ILDR1: variants seen among roughly 807,000 people sequenced by gnomAD.
The protein encoded by ILDR1 is immunoglobulin like domain containing receptor 1, also known as immunoglobulin-like domain-containing receptor 1.
ILDR1 carries 56 observed loss-of-function variants against 62.4 expected under a neutral mutation model. That is an observed-to-expected ratio of 0.90 (90% CI 0.72 to 1.12). The LOEUF (loss-of-function observed/expected upper bound fraction) is 1.12, where lower values mean the gene tolerates loss of function less well. Among genes scored for constraint, ILDR1 ranks in the 50% most tolerant of loss-of-function variants. The probability of loss-of-function intolerance (pLI) is 0.00; values close to 1 mark genes in which losing one functional copy is unlikely to be tolerated. For synonymous variants in ILDR1, 284 were observed against 277.8 expected (o/e 1.02, Z -0.22); for missense variants, 736 against 710.6 (o/e 1.04, Z -0.41).
chr3:122,023,877 C>T (rs1454786561), upstream of ILDR1, among the ~76,000 whole-genome samples: 1 of 152,074 alleles, frequency 6.6e-6, no homozygotes, highest in Non-Finnish European at 1.5e-5. Flanking sequence ...AGACCCTGTA[C>T]ATGCTCCCAG....
At chr3:121,994,018 A>G in intron 6 of ILDR1, 48 bp from the exon 7 acceptor site, 1 of 1,569,186 alleles carries the variant, frequency 6.4e-7, no homozygotes, top group Non-Finnish European at 8.7e-7. Context: ...CCCAAAACAT[A>G]CACCTCAGAA....
chr3:121,994,101 G>A (rs145769367), intron 6 of ILDR1, 81 bp downstream of exon 6: 131 of 1,513,462 alleles, frequency 8.7e-5, no homozygotes, highest in Admixed American at 1.8e-4. Flanking sequence ...CTGCCGCATC[G>A]GTCACAGAGG....
In ILDR1 at chr3:121,993,714, G is replaced by A. The variant is rs1364193353; in HGVS notation, c.1035C>T (p.Thr345=). The change falls in exon 7 of 8, where the codon ACC becomes ACT. Residue 345 remains threonine (T), a synonymous_variant. Transcript: ENST00000344209. The stretch of plus-strand genomic sequence containing the variant: ...GCCACTGCTGGTGCAGGGAGTCACT[G>A]GTCCTCCTTGAGGATGACAGGTCTC... The part of the protein sequence containing the change: ...LIRDLSSSRR[T]SDSLHQQWLT... 1 of 1,614,114 alleles carries A rather than the reference G, an allele frequency of 6.2e-7. No homozygotes were observed. Among genetic ancestry groups the A allele is most frequent in the Admixed American group, 1.7e-5 (1 of 60,028 alleles).
chr3:121,994,262 A>T lies in ILDR1; in HGVS notation c.698T>A (p.Met233Lys). The change falls in exon 6 of 8, where the codon ATG (methionine) becomes AAG (lysine). Residue 233 changes from methionine (M) to lysine (K), a missense_variant. Met to Lys is a moderately conservative substitution (Grantham distance 95). Transcript: ENST00000344209. Reference sequence around the variant, plus strand: ...CCCCCAGTACAGGGGTTTTCCCATCATCTGAGGACCTAGGGCCTGGGCCTG... The same window carrying T: ...CCCCCAGTACAGGGGTTTTCCCATCTTCTGAGGACCTAGGGCCTGGGCCTG... ...MKQAQALGPQ[M>K]MGKPLYWGAD... 1 of 1,536,030 alleles carries T rather than the reference A, an allele frequency of 6.5e-7. No individual in the cohort carries two copies. Among genetic ancestry groups the T allele is most frequent in the Non-Finnish European group, 8.7e-7 (1 of 1,146,858 alleles).
chr3:122,003,849 A>G (rs2107659154), intron 3 of ILDR1, among the ~76,000 whole-genome samples: 1 of 152,318 alleles, frequency 6.6e-6, no homozygotes, highest in East Asian at 1.9e-4. Context: ...GAAACTGTTC[A>G]GGTAATTTGC....
At chr3:122,038,496 G>A in the ILDR1 span, among the ~76,000 whole-genome samples, 37 of 152,150 alleles carry the variant, frequency 2.4e-4, no homozygotes, top group South Asian at 7.3e-3. Context: ...ACTACTAAAG[G>A]CCTTGCAGAA....
At position 122,022,105 on chromosome 3, in the gene ILDR1, T is replaced by C; in HGVS notation, c.-28A>G. ...CGCCCCCTTTCTGGCCCTTTTCAGC[T>C]CAGGGGCTTCGGGGCACTGCGTCTT... On this transcript the variant is annotated 5_prime_UTR_variant, in exon 1 of 8. Transcript: ENST00000344209. 7 of 1,580,596 alleles carry C rather than the reference T, an allele frequency of 4.4e-6. No individual in the cohort carries two copies. The highest frequency in any genetic ancestry group is 6.0e-6 in the Non-Finnish European group (7 of 1,161,036).
the ILDR1 span, among the ~76,000 whole-genome samples, chr3:122,029,227 C>G: frequency 6.6e-6 from 1 of 151,924 alleles, no homozygotes; most frequent in Admixed American, 6.6e-5. Context: ...TACAGGGGGG[C>G]CGGGTGTGGT....
upstream of ILDR1, among the ~76,000 whole-genome samples, chr3:122,024,214 A>G (rs2071902814): frequency 6.6e-6 from 1 of 152,214 alleles, no homozygotes; most frequent in Non-Finnish European, 1.5e-5. Context: ...TTCAGGACAT[A>G]TTAAACCTTA....
chr3:122,051,725 C>A, the ILDR1 span, among the ~76,000 whole-genome samples: 4 of 152,074 alleles, frequency 2.6e-5, no homozygotes, highest in Non-Finnish European at 4.4e-5. Context: ...AACACACAAA[C>A]AAACAACAAC....
chr3:122,018,627 C>T (rs1383108401), intron 1 of ILDR1, among the ~76,000 whole-genome samples: 3 of 152,154 alleles, frequency 2.0e-5, no homozygotes. Context: ...GGGTTCTGGT[C>T]CCAGTTCTCA....
chr3:122,058,390 G>A, the ILDR1 span, among the ~76,000 whole-genome samples: 1 of 152,166 alleles, frequency 6.6e-6, no homozygotes, highest in Non-Finnish European at 1.5e-5. Flanking sequence ...GGCAGGTGAA[G>A]TTAAGGAAAC....
the ILDR1 span, among the ~76,000 whole-genome samples, chr3:122,045,540 T>C: frequency 6.7e-6 from 1 of 150,140 alleles, no homozygotes; most frequent in African/African-American, 2.4e-5. Context: ...CCATTATTAA[T>C]GTGTGGGAGT....
chr3:121,988,531 A>G lies in ILDR1; in HGVS notation c.1600-123T>C, dbSNP rs797022712. 3.7e-5 allele frequency: 28 copies of G among 758,794 alleles called. No homozygotes were observed. In the African/African-American group the frequency reaches 4.3e-4, roughly 12 times the overall value. The allele number at this position is 758,794 out of a possible 1,614,324, so 47.0% of individuals were successfully genotyped here. Reference sequence around the variant, plus strand: ...TGGGTGGTGGCTGCCAGGACAGCAGATCTGAACCTAAAAAGTATTTCTTTA... The same window carrying G: ...TGGGTGGTGGCTGCCAGGACAGCAGGTCTGAACCTAAAAAGTATTTCTTTA... On this transcript the variant is annotated intron_variant, in intron 7 of 7. Coordinates refer to ENST00000344209, the MANE Select transcript of ILDR1 (RefSeq NM_001199799.2).
chr3:122,056,244 T>C, the ILDR1 span, among the ~76,000 whole-genome samples: 1 of 152,176 alleles, frequency 6.6e-6, no homozygotes, highest in Non-Finnish European at 1.5e-5. Context: ...GCCAGAAGGT[T>C]TCTCCATGCT....
Position 121,988,523 on chromosome 3 carries a change from G to C in ILDR1, c.1600-115C>G, listed in dbSNP as rs181533691. The C allele has an allele frequency of 7.4e-6, 6 of 809,440 alleles. No homozygotes were observed. In the African/African-American group the frequency reaches 8.4e-5, roughly 11 times the overall value. The allele number at this position is 809,440 out of a possible 1,614,324, so 50.1% of individuals were successfully genotyped here. A position where few individuals can be genotyped will look rare whatever the true frequency, so the allele number is the denominator to read the frequency against. On this transcript the variant is annotated intron_variant, in intron 7 of 7. Coordinates refer to ENST00000344209, the MANE Select transcript of ILDR1 (RefSeq NM_001199799.2). ...ATCCTAAGTGGGTGGTGGCTGCCAG[G>C]ACAGCAGATCTGAACCTAAAAAGTA...
At chr3:122,039,395 A>C in the ILDR1 span, among the ~76,000 whole-genome samples, 1 of 152,088 alleles carries the variant, frequency 6.6e-6, no homozygotes, top group Non-Finnish European at 1.5e-5. Flanking sequence ...GTAGAGGAAA[A>C]AAGATATTAC....
the ILDR1 span, among the ~76,000 whole-genome samples, chr3:122,059,155 T>C: frequency 6.6e-6 from 1 of 151,910 alleles, no homozygotes; most frequent in East Asian, 1.9e-4. Context: ...TAGGTGCAAG[T>C]TCAAAAAAGA....
chr3:122,021,919 A>AG, intron 1 of ILDR1, 101 bp downstream of exon 1: 5 of 1,155,978 alleles, frequency 4.3e-6, no homozygotes, highest in Non-Finnish European at 3.8e-6. Context: ...AGCGCGGCCC[A>AG]GGCCTCCACT....
Sources: allele counts gnomAD v4.1 joint callset (sites outside exome capture counted in the v4.1 genomes callset), GRCh38; gene constraint gnomAD v4.1.1; transcripts MANE v1.5; gene names NCBI Gene and HGNC (gene_info 2026-07-23, HGNC 2026-07-21).